SORCS2: variants seen among roughly 807,000 people sequenced by gnomAD.
The protein encoded by SORCS2 is VPS10 domain-containing receptor SorCS2.
In SORCS2, 100 loss-of-function variants were observed where a neutral mutation model predicts 141.6. The observed-to-expected ratio is 0.71, with a 90% confidence interval of 0.60 to 0.83. The LOEUF is 0.83. Among genes scored for constraint, SORCS2 ranks in the 40% least tolerant of loss-of-function variants. The probability of loss-of-function intolerance (pLI) is 0.00; values close to 1 mark genes in which losing one functional copy is unlikely to be tolerated. For missense variants in SORCS2, 1,646 were observed against 1,560.2 expected (o/e 1.05, Z -0.93); for synonymous variants, 789 against 676.9 (o/e 1.17, Z -2.57).
chr4:7,699,145 G>A (rs1368993650), intron 12 of SORCS2, among the ~76,000 whole-genome samples: 1 of 152,198 alleles, frequency 6.6e-6, no homozygotes, highest in Non-Finnish European at 1.5e-5. Context: ...CTGAAACTCA[G>A]TGTGTGGGGG....
At chr4:7,518,053 T>C (rs1733097676) in intron 2 of SORCS2, among the ~76,000 whole-genome samples, 1 of 152,216 alleles carries the variant, frequency 6.6e-6, no homozygotes, top group African/African-American at 2.4e-5. Flanking sequence ...ACTGCAAATA[T>C]GCTCACACAG....
intron 1 of SORCS2, among the ~76,000 whole-genome samples, chr4:7,199,955 T>A (rs1472631446): frequency 6.6e-6 from 1 of 151,556 alleles, no homozygotes; most frequent in African/African-American, 2.4e-5. Context: ...GCAGGAGGGG[T>A]TATGGGATAG....
intron 2 of SORCS2, among the ~76,000 whole-genome samples, chr4:7,453,751 AG>A (rs1413315236): frequency 4.7e-5 from 5 of 106,678 alleles, no homozygotes; most frequent in Non-Finnish European, 9.1e-5. Context: ...TGTTGGGGTC[AG>A]GAGCTGTGTG....
chr4:7,265,070 T>C (rs1023468424), intron 1 of SORCS2, among the ~76,000 whole-genome samples: 2 of 152,228 alleles, frequency 1.3e-5, no homozygotes, highest in African/African-American at 4.8e-5. Flanking sequence ...GGCCATGCTC[T>C]GCATGGGACT....
intron 4 of SORCS2, among the ~76,000 whole-genome samples, chr4:7,640,175 AGTGT>A (rs770857084): frequency 3.2e-5 from 3 of 93,824 alleles, no homozygotes; most frequent in African/African-American, 4.2e-5. Flanking sequence ...TGTGTGGGTG[AGTGT>A]GAGAGCCTAT....
At chr4:7,673,820 G>A (rs1056107933) in intron 8 of SORCS2, among the ~76,000 whole-genome samples, 4 of 152,072 alleles carry the variant, frequency 2.6e-5, no homozygotes, top group Admixed American at 1.3e-4. Flanking sequence ...CCAAGCCCCC[G>A]AGCTCAAAGC....
chr4:7,723,945 G>C, intron 19 of SORCS2, 62 bp downstream of exon 19: 1 of 1,483,830 alleles, frequency 6.7e-7, no homozygotes, highest in Non-Finnish European at 8.9e-7. Flanking sequence ...ACCTGGCTTT[G>C]GGGGAAACAC....
intron 3 of SORCS2, among the ~76,000 whole-genome samples, chr4:7,542,114 A>C (rs1577721152): frequency 6.6e-6 from 1 of 152,202 alleles, no homozygotes; most frequent in African/African-American, 2.4e-5. Context: ...CAGCCAAACC[A>C]AAGGGGCCCA....
chr4:7,657,696 TTGAG>T (rs757832206), intron 5 of SORCS2, among the ~76,000 whole-genome samples: 6 of 150,244 alleles, frequency 4.0e-5, no homozygotes, highest in East Asian at 2.0e-4. Flanking sequence ...GAGTCTGTGA[TTGAG>T]TGAATGAGTG....
intron 1 of SORCS2, among the ~76,000 whole-genome samples, chr4:7,296,303 T>A (rs1236373307): frequency 2.6e-5 from 4 of 152,206 alleles, no homozygotes; most frequent in Non-Finnish European, 4.4e-5. Context: ...TGTACCCTGA[T>A]TTTCTCTCTG....
rs1421115922 is a variant in SORCS2 at position 7,414,086 on chromosome 4, A to C, written c.548+17731A>C. Among the ~76,000 whole-genome samples, 5 of 152,324 alleles carry C rather than the reference A, an allele frequency of 3.3e-5. No individual in the cohort carries two copies. In the East Asian group the frequency reaches 9.6e-4, roughly 29 times the overall value. On this transcript the variant is annotated intron_variant, in intron 2 of 26. Transcript: ENST00000507866. ...GTGAATGTATCTCCAGCTAAAGGAA[A>C]GCTCGACAAGGCGAGACAAGGATAC...
intron 3 of SORCS2, among the ~76,000 whole-genome samples, chr4:7,611,517 C>T (rs772124770): frequency 6.6e-6 from 1 of 152,184 alleles, no homozygotes; most frequent in African/African-American, 2.4e-5. Context: ...TTGTTCATGT[C>T]TTCATGTGGA....
chr4:7,545,055 TAG>T (rs1379191405), intron 3 of SORCS2, among the ~76,000 whole-genome samples: 1 of 151,482 alleles, frequency 6.6e-6, no homozygotes, highest in African/African-American at 2.4e-5. Context: ...GTCTCAGAAA[TAG>T]AGTGAACCCT....
rs9996407 is a variant in SORCS2 at position 7,594,965 on chromosome 4, G to A, written c.649-43363G>A. On this transcript the variant is annotated intron_variant, in intron 3 of 26. Coordinates refer to ENST00000507866, the MANE Select transcript of SORCS2 (RefSeq NM_020777.3). ...TGCAACACATCTCCACCTCTGCAATGCCAGCTGGGTGTCCCACAGCTCAGT... is the reference window on the plus strand; with the variant it reads ...TGCAACACATCTCCACCTCTGCAATACCAGCTGGGTGTCCCACAGCTCAGT... Among the ~76,000 whole-genome samples the A allele has an allele frequency of 7.0e-3, 1,068 of 152,214 alleles. 16 individuals carry two copies. Among genetic ancestry groups the A allele is most frequent in the African/African-American group, 0.024 (1,000 of 41,522 alleles).
At chr4:7,210,532 TA>T (rs1475756581) in intron 1 of SORCS2, among the ~76,000 whole-genome samples, 1 of 152,176 alleles carries the variant, frequency 6.6e-6, no homozygotes, top group African/African-American at 2.4e-5. Context: ...CTATCCACCT[TA>T]GCCTCCCAAA....
intron 1 of SORCS2, among the ~76,000 whole-genome samples, chr4:7,220,719 C>T (rs2108760027): frequency 6.6e-6 from 1 of 152,274 alleles, no homozygotes; most frequent in Admixed American, 6.5e-5. Context: ...ATTTTGCACG[C>T]TGTGGGGTGG....
At chr4:7,610,845 C>T (rs970931318) in intron 3 of SORCS2, among the ~76,000 whole-genome samples, 4 of 152,214 alleles carry the variant, frequency 2.6e-5, no homozygotes, top group East Asian at 1.9e-4. Flanking sequence ...ATCCTGTGGA[C>T]GGGGATGGGG....
intron 2 of SORCS2, among the ~76,000 whole-genome samples, chr4:7,458,506 A>G (rs4639074): frequency 0.87 from 132,264 of 152,174 alleles, 57,588 homozygotes; most frequent in Middle Eastern, 0.92. Flanking sequence ...GCAGCCTGAC[A>G]TTCATGCTTC....
At chr4:7,300,586 G>A (rs1009272741) in intron 1 of SORCS2, among the ~76,000 whole-genome samples, 3 of 152,194 alleles carry the variant, frequency 2.0e-5, no homozygotes, top group Admixed American at 6.5e-5. Context: ...TTCTCACGGC[G>A]ACCTTTGGAG....
Sources: allele counts gnomAD v4.1 joint callset (sites outside exome capture counted in the v4.1 genomes callset), GRCh38; gene constraint gnomAD v4.1.1; transcripts MANE v1.5; gene names NCBI Gene and HGNC (gene_info 2026-07-23, HGNC 2026-07-21).